SH3TC2: variants seen among roughly 807,000 people sequenced by gnomAD.
The protein encoded by SH3TC2 is SH3 domain and tetratricopeptide repeat-containing protein 2.
Under a neutral mutation model 124.5 loss-of-function variants are expected in SH3TC2, and 87 were observed. The ratio of observed to expected loss-of-function variants is 0.70; its 90% CI spans 0.59 to 0.84. SH3TC2 has a LOEUF of 0.84. Among genes scored for constraint, SH3TC2 ranks in the 40% least tolerant of loss-of-function variants. The pLI is 0.00. For synonymous variants in SH3TC2, 634 were observed against 628.5 expected, an observed-to-expected ratio of 1.01 and a Z score of -0.13; for missense variants, 1,536 against 1,566.4, an observed-to-expected ratio of 0.98 and a Z score of 0.33.
chr5:149,038,296 T>G lies in SH3TC2; in HGVS notation c.1000A>C (p.Met334Leu). The part of the protein sequence containing the change: ...RNIDPDSYSP[M>L]SRNSAFLSDE... The stretch of plus-strand genomic sequence containing the variant: ...GACATGCTCACTGTCAATACTCACA[T>G]TGGGGAATAAGAATCAGGATCTATG... Residue 334 changes from methionine to leucine, a missense_variant and splice_region_variant, in exon 8 of 17, where the codon ATG becomes CTG. Transcript: ENST00000515425. 6.2e-7 allele frequency: 1 copy of G among 1,613,652 alleles called. No homozygotes were observed. The highest frequency in any genetic ancestry group is 8.5e-7 in the Non-Finnish European group (1 of 1,179,590).
In SH3TC2 at chr5:148,990,340, A is replaced by T. The variant is rs1046467370; in HGVS notation, c.*14371T>A. Among the ~76,000 whole-genome samples the T allele has an allele frequency of 7.9e-5, 12 of 151,992 alleles. No homozygotes were observed. The highest frequency in any genetic ancestry group is 2.4e-4 in the African/African-American group (10 of 41,366). Reference sequence around the variant, plus strand: ...TCCTTAGTTTGCTGTAAATGTTCACACCTCCCATCATAAGCAAGCTGGCCT... The same window carrying T: ...TCCTTAGTTTGCTGTAAATGTTCACTCCTCCCATCATAAGCAAGCTGGCCT... On this transcript the variant is annotated 3_prime_UTR_variant, in exon 17 of 17. Coordinates refer to ENST00000515425, the MANE Select transcript of SH3TC2 (RefSeq NM_024577.4).
intron 1 of SH3TC2, among the ~76,000 whole-genome samples, chr5:149,055,221 A>C (rs1288016529): frequency 6.6e-6 from 1 of 152,194 alleles, no homozygotes; most frequent in Admixed American, 6.5e-5. Flanking sequence ...GATGCAATTA[A>C]GAGACTGAAA....
chr5:149,035,982 C>T (rs1267725929), intron 8 of SH3TC2: 2 of 152,212 alleles, frequency 1.3e-5, no homozygotes, highest in East Asian at 3.8e-4. Context: ...GGCAATGACA[C>T]AAACAACAAT....
rs896397512 is a variant in SH3TC2, at chr5:148,993,314, T to C, written c.*11397A>G. ...GAAAATTCAGTGGCAGAAGCTAAAA[T>C]TTGACCTAAATAAATTATTGTCAAT... is the stretch of plus-strand genomic sequence containing the variant. On this transcript the variant is annotated 3_prime_UTR_variant, in exon 17 of 17. Coordinates refer to ENST00000515425, the MANE Select transcript of SH3TC2 (RefSeq NM_024577.4). Among the ~76,000 whole-genome samples, 1 of 152,148 alleles carries C rather than the reference T, an allele frequency of 6.6e-6. No homozygotes were observed. The highest frequency in any genetic ancestry group is 1.5e-5 in the Non-Finnish European group (1 of 68,036).
chr5:149,020,031 G>A (rs1362977395), intron 12 of SH3TC2, among the ~76,000 whole-genome samples: 1 of 151,836 alleles, frequency 6.6e-6, no homozygotes, highest in Non-Finnish European at 1.5e-5. Flanking sequence ...TGAGGCATAT[G>A]TCAAAAATAA....
In SH3TC2 at chr5:149,058,934, G is replaced by C. The variant is rs938169845; in HGVS notation, c.52+4037C>G. Among the ~76,000 whole-genome samples, 66 of 152,160 alleles carry C rather than the reference G, an allele frequency of 4.3e-4. 1 individual carries two copies. The highest frequency in any genetic ancestry group is 7.4e-5 in the Non-Finnish European group (5 of 68,020). On this transcript the variant is annotated intron_variant, in intron 1 of 16. Transcript: ENST00000515425. ...AGGAGAGAAAAGCACAATAGGCAGA[G>C]AGACCAGCTGAAGAGGTGCTGTGAA...
Position 149,004,373 on chromosome 5 carries a change from G to A in SH3TC2, c.*338C>T, listed in dbSNP as rs970890575. 1.7e-5 allele frequency: 5 copies of A among 294,802 alleles called. No individual in the cohort carries two copies. In the Middle Eastern group the frequency reaches 3.3e-3, roughly 194 times the overall value. 18.3% of individuals were successfully genotyped at this position (294,802 alleles called of 1,614,324 possible). A position where few individuals can be genotyped will look rare whatever the true frequency, so the allele number is the denominator to read the frequency against. ...AGTGCAGTGACTGATTTCCTCATTGGGGGAGGAAGGAAGGCTCCTGGAGGG... is the reference window on the plus strand; with the variant it reads ...AGTGCAGTGACTGATTTCCTCATTGAGGGAGGAAGGAAGGCTCCTGGAGGG... On this transcript the variant is annotated 3_prime_UTR_variant, in exon 17 of 17. Coordinates refer to ENST00000515425, the MANE Select transcript of SH3TC2 (RefSeq NM_024577.4).
At chr5:149,053,126 T>A (rs765004368) in intron 1 of SH3TC2, among the ~76,000 whole-genome samples, 7 of 152,186 alleles carry the variant, frequency 4.6e-5, no homozygotes, top group Non-Finnish European at 8.8e-5. Flanking sequence ...CAACCACTAT[T>A]TGTGAGTCAC....
rs751385381 is a variant in SH3TC2 at position 148,990,777 on chromosome 5, A to T, written c.*13934T>A. Among the ~76,000 whole-genome samples, 3 of 152,256 alleles carry T rather than the reference A, an allele frequency of 2.0e-5. No homozygotes were observed. The highest frequency in any genetic ancestry group is 4.4e-5 in the Non-Finnish European group (3 of 68,042). ...TGTTATTTATTATAGAGTATACAGG[A>T]TACAAAATATAATAGCAATTATATA... On this transcript the variant is annotated 3_prime_UTR_variant, in exon 17 of 17. Coordinates refer to ENST00000515425, the MANE Select transcript of SH3TC2 (RefSeq NM_024577.4).
At chr5:149,014,131 T>C (rs972579832) in intron 12 of SH3TC2, among the ~76,000 whole-genome samples, 11 of 152,162 alleles carry the variant, frequency 7.2e-5, no homozygotes, top group Non-Finnish European at 1.5e-5. Context: ...CTAGGACTTG[T>C]CCCATAACAC....
intron 12 of SH3TC2, among the ~76,000 whole-genome samples, chr5:149,020,539 G>C (rs1753951465): frequency 6.6e-6 from 1 of 152,100 alleles, no homozygotes; most frequent in Non-Finnish European, 1.5e-5. Context: ...AAACATTGAA[G>C]AATGGAGAAG....
chr5:148,983,078 G>A lies in SH3TC2; in HGVS notation c.*21633C>T, dbSNP rs1753276236. Among the ~76,000 whole-genome samples the A allele has an allele frequency of 6.6e-6, 1 of 152,200 alleles. No homozygotes were observed. The highest frequency in any genetic ancestry group is 1.5e-5 in the Non-Finnish European group (1 of 68,036). ...TGGGATAAAGAGGGAGAACTAGCAG[G>A]TGTTTTAAATACCTCCTGCTAGTCT... On this transcript the variant is annotated 3_prime_UTR_variant, in exon 17 of 17. Transcript: ENST00000515425.
intron 12 of SH3TC2, among the ~76,000 whole-genome samples, chr5:149,020,151 A>T (rs1309796900): frequency 2.1e-5 from 2 of 93,876 alleles, no homozygotes; most frequent in East Asian, 2.5e-4. Flanking sequence ...CACTAGGAAA[A>T]GTTGGGAAAT....
Position 148,983,232 on chromosome 5 carries a change from T to G in SH3TC2, c.*21479A>C, listed in dbSNP as rs1165924291. On this transcript the variant is annotated 3_prime_UTR_variant, in exon 17 of 17. Transcript: ENST00000515425. Reference sequence around the variant, plus strand: ...TTGTTACTTTGCTTCATTCGTTTGTTTGTTTTTCAAATTGCCACTTACCAT... The same window carrying G: ...TTGTTACTTTGCTTCATTCGTTTGTGTGTTTTTCAAATTGCCACTTACCAT... 6.6e-6 allele frequency among the ~76,000 whole-genome samples: 1 copy of G among 152,240 alleles called. No individual in the cohort carries two copies. The highest frequency in any genetic ancestry group is 6.5e-5 in the Admixed American group (1 of 15,278).
intron 12 of SH3TC2, among the ~76,000 whole-genome samples, chr5:149,023,312 A>C (rs973087693): frequency 2.0e-5 from 3 of 152,214 alleles, no homozygotes; most frequent in South Asian, 4.1e-4. Flanking sequence ...GATATTTTTA[A>C]ACGAGAAAAG....
rs1257824137 is a variant in SH3TC2, at chr5:148,995,160, A to G, written c.*9551T>C. Among the ~76,000 whole-genome samples the G allele has an allele frequency of 1.3e-5, 2 of 152,246 alleles. No individual in the cohort carries two copies. The highest frequency in any genetic ancestry group is 4.8e-5 in the African/African-American group (2 of 41,470). On this transcript the variant is annotated 3_prime_UTR_variant, in exon 17 of 17. Transcript: ENST00000515425. Reference sequence around the variant, plus strand: ...GACAAAGGGAAACATTCAAATGTTCAAAAGAGAAATATTTATCTTGAAGAT... The same window carrying G: ...GACAAAGGGAAACATTCAAATGTTCGAAAGAGAAATATTTATCTTGAAGAT...
At chr5:149,004,942 G>A in intron 16 of SH3TC2, 40 bp from the exon 17 acceptor site, 1 of 1,609,912 alleles carries the variant, frequency 6.2e-7, no homozygotes, top group Non-Finnish European at 8.5e-7. Context: ...GACAGCATTA[G>A]CAAACACTTC....
chr5:149,058,369 T>G (rs1754687228), intron 1 of SH3TC2, among the ~76,000 whole-genome samples: 1 of 152,180 alleles, frequency 6.6e-6, no homozygotes, highest in Non-Finnish European at 1.5e-5. Context: ...TTATCAGTCT[T>G]TTTAATTTGG....
chr5:148,996,708 A>C lies in SH3TC2; in HGVS notation c.*8003T>G, dbSNP rs545511152. Among the ~76,000 whole-genome samples, 1 of 152,280 alleles carries C rather than the reference A, an allele frequency of 6.6e-6. No homozygotes were observed. The highest frequency in any genetic ancestry group is 1.9e-4 in the East Asian group (1 of 5,154). On this transcript the variant is annotated 3_prime_UTR_variant, in exon 17 of 17. Coordinates refer to ENST00000515425, the MANE Select transcript of SH3TC2 (RefSeq NM_024577.4). ...GTCAGATATATCCCCAGATGAACAA[A>C]CATCAGAAGTTCTCTATGTGCAAGA...
Sources: allele counts gnomAD v4.1 joint callset (sites outside exome capture counted in the v4.1 genomes callset), GRCh38; gene constraint gnomAD v4.1.1; transcripts MANE v1.5; gene names NCBI Gene and HGNC (gene_info 2026-07-23, HGNC 2026-07-21).